USH2A: variants seen among roughly 807,000 people sequenced by gnomAD.
The protein encoded by USH2A is usherin.
USH2A carries 443 observed loss-of-function variants against 538.9 expected under a neutral mutation model. The observed-to-expected ratio is 0.82, with a 90% CI of 0.76 to 0.89. The LOEUF is 0.89. Among genes scored for constraint, USH2A ranks in the 40% least tolerant of loss-of-function variants. The pLI is 0.00. For missense variants in USH2A, 6,633 were observed against 6,324.8 expected, an observed-to-expected ratio of 1.05 and a Z score of -1.65; for synonymous variants, 2,413 against 2,273.5, an observed-to-expected ratio of 1.06 and a Z score of -1.75.
At chr1:215,719,450 G>A (rs902978997) in intron 61 of USH2A, among the ~76,000 whole-genome samples, 6 of 151,658 alleles carry the variant, frequency 4.0e-5, no homozygotes, top group Admixed American at 6.6e-5. Context: ...AAAATTACAG[G>A]GAAATTAACA....
chr1:215,851,765 T>G (rs901507592), intron 44 of USH2A, among the ~76,000 whole-genome samples: 7 of 151,818 alleles, frequency 4.6e-5, no homozygotes, highest in Admixed American at 3.3e-4. Context: ...ATATCCCTGA[T>G]GAACATAGAT....
intron 12 of USH2A, among the ~76,000 whole-genome samples, chr1:216,250,031 C>A (rs923235578): frequency 6.6e-6 from 1 of 151,960 alleles, no homozygotes; most frequent in Non-Finnish European, 1.5e-5. Flanking sequence ...CTATAGGAAC[C>A]AAGACATATT....
At chr1:216,067,909 AG>A (rs2031432663) in intron 30 of USH2A, among the ~76,000 whole-genome samples, 1 of 152,140 alleles carries the variant, frequency 6.6e-6, no homozygotes, top group Middle Eastern at 3.2e-3. Flanking sequence ...AGGCTTCTGG[AG>A]CAAGCCAGAA....
At chr1:216,387,346 T>C (rs1197339179) in intron 3 of USH2A, among the ~76,000 whole-genome samples, 1 of 152,200 alleles carries the variant, frequency 6.6e-6, no homozygotes, top group Non-Finnish European at 1.5e-5. Flanking sequence ...TCAGATGCAT[T>C]TTCAACAATT....
intron 20 of USH2A, among the ~76,000 whole-genome samples, chr1:216,188,386 G>C (rs1439772629): frequency 6.6e-6 from 1 of 151,716 alleles, no homozygotes; most frequent in Non-Finnish European, 1.5e-5. Flanking sequence ...TGAAAAGGCA[G>C]ACTAGATCTC....
chr1:216,166,091 T>C (rs562513513), intron 21 of USH2A, among the ~76,000 whole-genome samples: 5 of 152,226 alleles, frequency 3.3e-5, no homozygotes, highest in Non-Finnish European at 7.4e-5. Flanking sequence ...TAATTGTTGG[T>C]TTCTATAGTA....
chr1:216,096,971 C>G, intron 22 of USH2A, 112 bp downstream of exon 22: 1 of 1,153,072 alleles, frequency 8.7e-7, no homozygotes, highest in Non-Finnish European at 1.2e-6. Flanking sequence ...AATAATAGTA[C>G]TTACCTTACA....
At chr1:216,266,205 A>G (rs531978544) in intron 11 of USH2A, among the ~76,000 whole-genome samples, 21 of 150,906 alleles carry the variant, frequency 1.4e-4, no homozygotes, top group African/African-American at 5.2e-4. Context: ...GATTAAAAAT[A>G]AAATATTAAA....
intron 14 of USH2A, among the ~76,000 whole-genome samples, chr1:216,218,356 G>A (rs912274042): frequency 6.6e-6 from 1 of 152,002 alleles, no homozygotes; most frequent in African/African-American, 2.4e-5. Flanking sequence ...CTATGCCAAT[G>A]GCACTAATTA....
chr1:215,664,555 C>G (rs2102655769), intron 64 of USH2A, among the ~76,000 whole-genome samples: 1 of 152,298 alleles, frequency 6.6e-6, no homozygotes, highest in Admixed American at 6.5e-5. Context: ...ATTAGACTTT[C>G]TAAAAATTAT....
intron 20 of USH2A, among the ~76,000 whole-genome samples, chr1:216,184,317 AT>A (rs1375848538): frequency 3.9e-5 from 6 of 151,988 alleles, no homozygotes; most frequent in African/African-American, 4.8e-5. Context: ...AGAGGCTTTG[AT>A]TTTTTTTCCC....
At chr1:216,065,394 T>A (rs1175659885) in intron 30 of USH2A, among the ~76,000 whole-genome samples, 7 of 152,206 alleles carry the variant, frequency 4.6e-5, no homozygotes, top group Non-Finnish European at 1.0e-4. Flanking sequence ...TATATATTTT[T>A]AAAAAATCAC....
intron 3 of USH2A, among the ~76,000 whole-genome samples, chr1:216,384,750 AGG>A: frequency 6.6e-6 from 1 of 152,274 alleles, no homozygotes; most frequent in African/African-American, 2.4e-5. Flanking sequence ...ATTTGAGAAT[AGG>A]TGTCTGGTGG....
At chr1:216,130,447 A>G (rs1571985258) in intron 21 of USH2A, among the ~76,000 whole-genome samples, 2 of 150,732 alleles carry the variant, frequency 1.3e-5, no homozygotes, top group South Asian at 4.2e-4. Context: ...ACTTAGGATA[A>G]TAATCTCCAA....
chr1:215,637,716 C>T (rs1411286012), intron 69 of USH2A, among the ~76,000 whole-genome samples: 2 of 152,032 alleles, frequency 1.3e-5, no homozygotes, highest in East Asian at 1.9e-4. Context: ...CAAATTGAAA[C>T]TATCCTTGAC....
rs1558027581 is a variant in USH2A, at chr1:215,627,449, C to CTTCTTTCCTTCCTTCT, written c.15519+1364_15519+1365insAGAAGGAAGGAAAGAA. Among the ~76,000 whole-genome samples, 204 of 83,932 alleles carry CTTCTTTCCTTCCTTCT rather than the reference C, an allele frequency of 2.4e-3. 10 individuals are homozygous for CTTCTTTCCTTCCTTCT. The highest frequency in any genetic ancestry group is 4.7e-3 in the African/African-American group (122 of 26,226). The allele number at this position is 83,932 out of a possible 152,430, so 55.1% of individuals were successfully genotyped here. A position where few individuals can be genotyped will look rare whatever the true frequency, so the allele number is the denominator to read the frequency against. On this transcript the variant is annotated intron_variant, in intron 71 of 71. Transcript: ENST00000307340. ...CCTTCCTTCCTTCCTTCCTTCCTTCCTTCCTTCCTTCCTTCCTTCCTTCCT... is the reference window on the plus strand; with the variant it reads ...CCTTCCTTCCTTCCTTCCTTCCTTCCTTCTTTCCTTCCTTCTTTCCTTCCTTCCTTCCTTCCTTCCT...
chr1:215,838,226 G>A (rs1306856288), intron 46 of USH2A, 123 bp from the exon 47 acceptor site: 7 of 795,814 alleles, frequency 8.8e-6, no homozygotes, highest in African/African-American at 1.7e-5. Context: ...GCCTCTTGAG[G>A]TTTAATCAAT....
At chr1:216,179,892 A>G (rs1269016501) in intron 20 of USH2A, among the ~76,000 whole-genome samples, 1 of 152,144 alleles carries the variant, frequency 6.6e-6, no homozygotes, top group African/African-American at 2.4e-5. Context: ...ACAACACTGA[A>G]TAATGAAAGG....
At chr1:215,833,216 T>C (rs1663373811) in intron 47 of USH2A, among the ~76,000 whole-genome samples, 2 of 151,926 alleles carry the variant, frequency 1.3e-5, no homozygotes, top group Admixed American at 6.6e-5. Context: ...GAAATTTATA[T>C]GGACAGGCAA....
Sources: gnomAD v4.1 joint callset for allele counts (sites outside exome capture counted in the v4.1 genomes callset) on GRCh38, gnomAD v4.1.1 for gene constraint, MANE v1.5 for transcripts, NCBI Gene and HGNC (gene_info 2026-07-23, HGNC 2026-07-21) for gene names.